Variants in CACNA2D1 observed in about 807,000 individuals in gnomAD.
The protein encoded by CACNA2D1 is voltage-dependent calcium channel subunit alpha-2/delta-1.
CACNA2D1 carries 53 observed loss-of-function variants against 171.5 expected under a neutral mutation model. That is an observed-to-expected ratio of 0.31 (90% confidence interval 0.25 to 0.39). The LOEUF is 0.39. Ranked by LOEUF, CACNA2D1 falls within the 10% of genes least tolerant of loss-of-function variation. The probability of loss-of-function intolerance (pLI) is 1.00; values close to 1 mark genes in which losing one functional copy is unlikely to be tolerated. For missense variants in CACNA2D1, 903 were observed against 1,299.8 expected, an observed-to-expected ratio of 0.69 and a Z score of 4.69; for synonymous variants, 442 against 443.1, an observed-to-expected ratio of 1.00 and a Z score of 0.03.
chr7:82,082,386 T>C (rs1215970520), intron 7 of CACNA2D1, among the ~76,000 whole-genome samples: 1 of 152,146 alleles, frequency 6.6e-6, no homozygotes, highest in African/African-American at 2.4e-5. Context: ...GTCATCCCTC[T>C]ACCTGATGTC....
At chr7:81,987,112 G>A (rs535408674) in intron 21 of CACNA2D1, among the ~76,000 whole-genome samples, 4 of 152,124 alleles carry the variant, frequency 2.6e-5, no homozygotes, top group African/African-American at 4.8e-5. Context: ...TCTACTATGC[G>A]TTTTGTTGGC....
intron 5 of CACNA2D1, among the ~76,000 whole-genome samples, chr7:82,117,594 C>T (rs1789227304): frequency 6.6e-6 from 1 of 152,106 alleles, no homozygotes; most frequent in Non-Finnish European, 1.5e-5. Context: ...TAGACTAGCC[C>T]AGGCAACACG....
intron 7 of CACNA2D1, among the ~76,000 whole-genome samples, chr7:82,075,845 T>C (rs1467313435): frequency 2.0e-5 from 3 of 152,152 alleles, no homozygotes; most frequent in African/African-American, 4.8e-5. Flanking sequence ...TAAAAATGAA[T>C]GGCATAAGTA....
intron 3 of CACNA2D1, among the ~76,000 whole-genome samples, chr7:82,206,957 A>T (rs1416630687): frequency 1.3e-5 from 2 of 152,212 alleles, no homozygotes; most frequent in African/African-American, 4.8e-5. Flanking sequence ...AAAAACAAGG[A>T]ATACATTTAT....
chr7:82,443,541 A>G lies in CACNA2D1; in HGVS notation c.-82T>C. The G allele has an allele frequency of 1.3e-6, 2 of 1,547,036 alleles. No individual in the cohort carries two copies. Among genetic ancestry groups the G allele is most frequent in the East Asian group, 2.5e-5 (1 of 40,012 alleles). On this transcript the variant is annotated 5_prime_UTR_variant, in exon 1 of 39. Transcript: ENST00000356860. Reference sequence around the variant, plus strand: ...TGGAAACCGCGGGCGGAGGAAGAGCAGCACACGCCGCCGGGACCGCGGGCG... The same window carrying G: ...TGGAAACCGCGGGCGGAGGAAGAGCGGCACACGCCGCCGGGACCGCGGGCG...
chr7:82,262,998 C>T (rs1807325380), intron 3 of CACNA2D1, among the ~76,000 whole-genome samples: 1 of 151,818 alleles, frequency 6.6e-6, no homozygotes, highest in South Asian at 2.1e-4. Flanking sequence ...AATCGTATTT[C>T]TTCATGGCTG....
chr7:82,374,695 C>A (rs866178887), intron 1 of CACNA2D1, among the ~76,000 whole-genome samples: 1 of 150,232 alleles, frequency 6.7e-6, no homozygotes, highest in African/African-American at 2.4e-5. Context: ...GTGCTTTGCA[C>A]AATGTAGTTG....
chr7:82,003,844 A>G (rs1335550580), intron 18 of CACNA2D1, among the ~76,000 whole-genome samples: 1 of 150,944 alleles, frequency 6.6e-6, no homozygotes, highest in Non-Finnish European at 1.5e-5. Flanking sequence ...TCCCGGGTTC[A>G]AGAGATTCTC....
At chr7:82,318,961 G>C (rs961516302) in intron 3 of CACNA2D1, among the ~76,000 whole-genome samples, 5 of 152,336 alleles carry the variant, frequency 3.3e-5, no homozygotes, top group African/African-American at 1.2e-4. Flanking sequence ...ACACTAGGCA[G>C]AGTGCCTGAC....
chr7:82,158,610 C>A (rs1373613643), intron 4 of CACNA2D1, among the ~76,000 whole-genome samples: 1 of 151,862 alleles, frequency 6.6e-6, no homozygotes, highest in Non-Finnish European at 1.5e-5. Context: ...TACTCAAAAG[C>A]CTCAGTGAAG....
intron 3 of CACNA2D1, among the ~76,000 whole-genome samples, chr7:82,180,405 C>G (rs899994427): frequency 1.3e-5 from 2 of 152,152 alleles, no homozygotes; most frequent in African/African-American, 4.8e-5. Context: ...AAAGCTCACG[C>G]TACCTACTGT....
chr7:82,259,555 A>G (rs922568486), intron 3 of CACNA2D1, among the ~76,000 whole-genome samples: 4 of 152,186 alleles, frequency 2.6e-5, no homozygotes, highest in Admixed American at 2.6e-4. Flanking sequence ...GATATTAACT[A>G]TATACTACTT....
rs1241425350 is a variant in CACNA2D1 at position 82,136,615 on chromosome 7, G to A, written c.396+20C>T. Reference sequence around the variant, plus strand: ...TACTATAATTTTCTTGGAATTTAATGGAAAACATTTAATACTCACATCGAG... The same window carrying A: ...TACTATAATTTTCTTGGAATTTAATAGAAAACATTTAATACTCACATCGAG... On this transcript the variant is annotated intron_variant, in intron 5 of 38. Coordinates refer to ENST00000356860, the MANE Select transcript of CACNA2D1 (RefSeq NM_000722.4). 1.3e-6 allele frequency: 2 copies of A among 1,558,274 alleles called. No homozygotes were observed. Among genetic ancestry groups the A allele is most frequent in the African/African-American group, 1.4e-5 (1 of 73,626 alleles).
At chr7:82,277,115 A>G (rs1393555590) in intron 3 of CACNA2D1, among the ~76,000 whole-genome samples, 1 of 152,124 alleles carries the variant, frequency 6.6e-6, no homozygotes, top group African/African-American at 2.4e-5. Flanking sequence ...CTAGCAGCTA[A>G]AACACAATGG....
chr7:82,042,438 A>AT (rs1253844979), intron 10 of CACNA2D1, among the ~76,000 whole-genome samples: 1 of 152,154 alleles, frequency 6.6e-6, no homozygotes, highest in Non-Finnish European at 1.5e-5. Flanking sequence ...AGGAGCTCTG[A>AT]TTTTTTCATC....
intron 3 of CACNA2D1, among the ~76,000 whole-genome samples, chr7:82,255,980 A>G (rs1806249964): frequency 1.3e-5 from 2 of 152,154 alleles, no homozygotes; most frequent in South Asian, 4.1e-4. Flanking sequence ...GCCATGAACT[A>G]AAGTTTGACT....
rs1000825199 is a variant in CACNA2D1, at chr7:82,120,498, G to C, written c.397-3325C>G. Among the ~76,000 whole-genome samples, 4 of 152,136 alleles carry C rather than the reference G, an allele frequency of 2.6e-5. 1 individual carries two copies. In the South Asian group the frequency reaches 8.3e-4, roughly 31 times the overall value. On this transcript the variant is annotated intron_variant, in intron 5 of 38. Transcript: ENST00000356860. ...TAAAGCATTATCAAAGATAGGATGTGTTATATTTAAGGTGGACTTTCATAC... is the reference window on the plus strand; with the variant it reads ...TAAAGCATTATCAAAGATAGGATGTCTTATATTTAAGGTGGACTTTCATAC...
chr7:82,319,496 T>C (rs1815545267), intron 3 of CACNA2D1, among the ~76,000 whole-genome samples: 1 of 152,190 alleles, frequency 6.6e-6, no homozygotes, highest in African/African-American at 2.4e-5. Context: ...AAAATGGCTA[T>C]TTGAAAATCC....
At chr7:82,185,809 G>T (rs1341445604) in intron 3 of CACNA2D1, among the ~76,000 whole-genome samples, 1 of 151,974 alleles carries the variant, frequency 6.6e-6, no homozygotes, top group African/African-American at 2.4e-5. Flanking sequence ...ATGCATTCAA[G>T]AAACTAATTT....
Sources: allele counts gnomAD v4.1 joint callset (sites outside exome capture counted in the v4.1 genomes callset), GRCh38; gene constraint gnomAD v4.1.1; transcripts MANE v1.5; gene names NCBI Gene and HGNC (gene_info 2026-07-23, HGNC 2026-07-21).